TMEM132D: variants seen among roughly 807,000 people sequenced by gnomAD.
TMEM132D encodes the protein mature OL transmembrane protein.
TMEM132D carries 21 observed loss-of-function variants against 62.3 expected under a neutral mutation model. The observed-to-expected ratio is 0.34, with a 90% CI of 0.24 to 0.49. The LOEUF is 0.49. TMEM132D is among the 20% of genes least tolerant of loss of function. TMEM132D has a pLI of 0.99. For synonymous variants in TMEM132D, 621 were observed against 575.6 expected (o/e 1.08, Z -1.13); for missense variants, 1,346 against 1,402.8 (o/e 0.96, Z 0.65).
chr12:129,848,991 T>C (rs1170991682), intron 1 of TMEM132D, among the ~76,000 whole-genome samples: 1 of 152,300 alleles, frequency 6.6e-6, no homozygotes, highest in East Asian at 1.9e-4. Flanking sequence ...TCTCGTATAA[T>C]TGCAAATTAT....
intron 1 of TMEM132D, among the ~76,000 whole-genome samples, chr12:129,798,149 C>T (rs1035512346): frequency 3.3e-5 from 5 of 152,168 alleles, no homozygotes; most frequent in East Asian, 3.9e-4. Flanking sequence ...TAGACTCCAC[C>T]GGAAGCTGAG....
intron 3 of TMEM132D, among the ~76,000 whole-genome samples, chr12:129,367,339 G>A (rs74484128): frequency 1.9e-3 from 287 of 152,260 alleles, no homozygotes; most frequent in African/African-American, 6.5e-3. Flanking sequence ...GAGTGAGAGA[G>A]GTGGCAAGAG....
At chr12:129,354,338 T>C (rs530511980) in intron 3 of TMEM132D, among the ~76,000 whole-genome samples, 134 of 145,006 alleles carry the variant, frequency 9.2e-4, no homozygotes, top group African/African-American at 3.2e-3. Flanking sequence ...TATATACATA[T>C]TTTGAGTCAG....
intron 1 of TMEM132D, among the ~76,000 whole-genome samples, chr12:129,774,521 T>A (rs1226158595): frequency 6.6e-6 from 1 of 152,110 alleles, no homozygotes; most frequent in East Asian, 1.9e-4. Flanking sequence ...TCACGTCGGT[T>A]GTGGGATGGG....
At chr12:129,471,838 T>C (rs1413019362) in intron 3 of TMEM132D, among the ~76,000 whole-genome samples, 3 of 152,224 alleles carry the variant, frequency 2.0e-5, no homozygotes, top group African/African-American at 7.2e-5. Context: ...TTAAGTGGTT[T>C]GGACAGAAGA....
At chr12:129,372,982 T>G (rs1282108134) in intron 3 of TMEM132D, among the ~76,000 whole-genome samples, 1 of 152,104 alleles carries the variant, frequency 6.6e-6, no homozygotes, top group African/African-American at 2.4e-5. Flanking sequence ...TTTAAGCCAC[T>G]AAGTTTGTGG....
rs145893007 is a variant in TMEM132D, at chr12:129,664,987, G to A, written c.968+34823C>T. On this transcript the variant is annotated intron_variant, in intron 2 of 8. Transcript: ENST00000422113. ...CCTATTATGTGGTTGAGGATCAGGT[G>A]TAGAGAGGACCCAGGCATCCTGTCT... 6.6e-3 allele frequency among the ~76,000 whole-genome samples: 1,005 copies of A among 152,252 alleles called. 4 individuals are homozygous for A. Among genetic ancestry groups the A allele is most frequent in the Admixed American group, 0.017 (264 of 15,294 alleles).
At chr12:129,806,942 G>C (rs903185163) in intron 1 of TMEM132D, among the ~76,000 whole-genome samples, 1 of 152,174 alleles carries the variant, frequency 6.6e-6, no homozygotes, top group Non-Finnish European at 1.5e-5. Context: ...GCTGAAGCAG[G>C]AGGATCATTC....
In TMEM132D at chr12:129,887,243, G is replaced by A. The variant is rs143805365; in HGVS notation, c.79+16018C>T. ...GACCGCCCGCCCCTCCCTGTCTACC[G>A]TGGAGGCAGCTGCTCAGCTGGAGTG... On this transcript the variant is annotated intron_variant, in intron 1 of 8. Coordinates refer to ENST00000422113, the MANE Select transcript of TMEM132D (RefSeq NM_133448.3). Among the ~76,000 whole-genome samples, 99 of 152,248 alleles carry A rather than the reference G, an allele frequency of 6.5e-4. 1 individual carries two copies. The highest frequency in any genetic ancestry group is 2.2e-3 in the African/African-American group (92 of 41,534).
intron 5 of TMEM132D, among the ~76,000 whole-genome samples, chr12:129,196,896 T>G (rs1412553517): frequency 6.6e-6 from 1 of 152,176 alleles, no homozygotes; most frequent in African/African-American, 2.4e-5. Context: ...CATGAAGTCT[T>G]GTTGGAAGAA....
At chr12:129,234,547 T>C (rs1593305684) in intron 4 of TMEM132D, among the ~76,000 whole-genome samples, 1 of 152,204 alleles carries the variant, frequency 6.6e-6, no homozygotes, top group South Asian at 2.1e-4. Flanking sequence ...ATCTGATTTA[T>C]AATGACCTGC....
intron 4 of TMEM132D, among the ~76,000 whole-genome samples, chr12:129,246,759 C>G (rs960130547): frequency 1.1e-5 from 1 of 88,398 alleles, no homozygotes; most frequent in Non-Finnish European, 2.4e-5. Flanking sequence ...GAGCAAGACT[C>G]TATCTCAAAA....
chr12:129,097,256 A>G (rs1042032386), intron 5 of TMEM132D, among the ~76,000 whole-genome samples: 2 of 152,346 alleles, frequency 1.3e-5, no homozygotes, highest in East Asian at 3.9e-4. Context: ...GGACATTGCT[A>G]AAGAACCCCT....
chr12:129,239,945 G>A (rs1879891160), intron 4 of TMEM132D, among the ~76,000 whole-genome samples: 1 of 152,198 alleles, frequency 6.6e-6, no homozygotes, highest in African/African-American at 2.4e-5. Flanking sequence ...GGGCCTAGAT[G>A]TTCACTCTCG....
intron 5 of TMEM132D, among the ~76,000 whole-genome samples, chr12:129,162,371 C>G (rs758525500): frequency 1.3e-5 from 2 of 152,112 alleles, no homozygotes; most frequent in Admixed American, 6.5e-5. Context: ...CCTCCAAAAC[C>G]GTGAGAAAAT....
At chr12:129,382,973 T>G (rs528391510) in intron 3 of TMEM132D, among the ~76,000 whole-genome samples, 31 of 152,242 alleles carry the variant, frequency 2.0e-4, no homozygotes, top group Non-Finnish European at 3.7e-4. Context: ...CCACTCTGTT[T>G]GTGGAAAAAT....
intron 1 of TMEM132D, among the ~76,000 whole-genome samples, chr12:129,752,643 A>C (rs1305992666): frequency 6.6e-6 from 1 of 152,210 alleles, no homozygotes; most frequent in Non-Finnish European, 1.5e-5. Context: ...TATGCCATTT[A>C]GGGAGGAAGT....
intron 3 of TMEM132D, among the ~76,000 whole-genome samples, chr12:129,347,290 G>A (rs1264969585): frequency 2.6e-5 from 4 of 152,076 alleles, no homozygotes; most frequent in African/African-American, 7.2e-5. Context: ...GCAGCATCAC[G>A]CTACCTGACT....
intron 2 of TMEM132D, among the ~76,000 whole-genome samples, chr12:129,537,057 G>C (rs1050753800): frequency 2.6e-5 from 4 of 151,420 alleles, no homozygotes; most frequent in Non-Finnish European, 5.9e-5. Context: ...CTACTCAGGA[G>C]GCTGAGACGG....
Sources: allele counts gnomAD v4.1 joint callset (sites outside exome capture counted in the v4.1 genomes callset), GRCh38; gene constraint gnomAD v4.1.1; transcripts MANE v1.5; gene names NCBI Gene and HGNC (gene_info 2026-07-23, HGNC 2026-07-21).